Variants in AASDHPPT observed in about 807,000 individuals in gnomAD.
The protein encoded by AASDHPPT is aminoadipate-semialdehyde dehydrogenase-phosphopantetheinyl transferase, also known as L-aminoadipate-semialdehyde dehydrogenase-phosphopantetheinyl transferase.
In AASDHPPT, 23 loss-of-function variants were observed where a neutral mutation model predicts 36.4. That is an observed-to-expected ratio of 0.63 (90% CI 0.45 to 0.89). AASDHPPT has a LOEUF of 0.89. Ranked by LOEUF, AASDHPPT falls within the 40% of genes least tolerant of loss-of-function variation. The probability of loss-of-function intolerance (pLI) is 0.00; values close to 1 mark genes in which losing one functional copy is unlikely to be tolerated. For missense variants in AASDHPPT, 377 were observed against 378.2 expected, an observed-to-expected ratio of 1.00 and a Z score of 0.03; for synonymous variants, 115 against 128.0, an observed-to-expected ratio of 0.90 and a Z score of 0.68.
intron 2 of AASDHPPT, among the ~76,000 whole-genome samples, chr11:106,089,135 A>G (rs1166147867): frequency 6.6e-6 from 1 of 152,090 alleles, no homozygotes; most frequent in East Asian, 1.9e-4. Flanking sequence ...GTGAGTGATC[A>G]TAATGGAATT....
chr11:106,081,333 A>T (rs527322700), intron 2 of AASDHPPT, among the ~76,000 whole-genome samples: 2 of 152,362 alleles, frequency 1.3e-5, no homozygotes, highest in East Asian at 1.9e-4. Flanking sequence ...TGGAAACCTT[A>T]TAACAGATTG....
rs530414716 is a variant in AASDHPPT at position 106,084,283 on chromosome 11, AT to A, written c.409+4594del. On this transcript the variant is annotated intron_variant, in intron 2 of 5. Coordinates refer to ENST00000278618, the MANE Select transcript of AASDHPPT (RefSeq NM_015423.3). ...AAATTGAAAATACACATAGTCTTTGATTTAGCGATCTTGTTTATAGTACTCT... is the reference window on the plus strand; with the variant it reads ...AAATTGAAAATACACATAGTCTTTGATTAGCGATCTTGTTTATAGTACTCT... Among the ~76,000 whole-genome samples, 171 of 152,326 alleles carry A rather than the reference AT, an allele frequency of 1.1e-3. 2 individuals are homozygous for A. Among genetic ancestry groups the A allele is most frequent in the African/African-American group, 3.9e-3 (161 of 41,578 alleles).
chr11:106,093,369 A>G (rs1861275958), intron 4 of AASDHPPT: 1 of 152,164 alleles, frequency 6.6e-6, no homozygotes, highest in Admixed American at 6.6e-5. Flanking sequence ...TATATGCTAA[A>G]TTTCTGAAAA....
At chr11:106,091,222 A>G in intron 3 of AASDHPPT, 94 bp from the exon 4 acceptor site, 2 of 1,061,760 alleles carry the variant, frequency 1.9e-6, no homozygotes, top group South Asian at 3.2e-5. Flanking sequence ...ATAATGTAGT[A>G]TAGCATTGAA....
chr11:106,079,953 AT>A lies in AASDHPPT; in HGVS notation c.409+269del, dbSNP rs895524030. Among the ~76,000 whole-genome samples the A allele has an allele frequency of 2.0e-5, 3 of 152,202 alleles. No homozygotes were observed. In the South Asian group the frequency reaches 6.2e-4, roughly 32 times the overall value. ...GAGGTAAAGTGAAATATTAAGTGAA[AT>A]TTTTTTTGAATTATACTTCAATTTA... On this transcript the variant is annotated intron_variant, in intron 2 of 5. Transcript: ENST00000278618.
rs1211398136 is a variant in AASDHPPT at position 106,097,116 on chromosome 11, A to G, written c.*209A>G. The G allele has an allele frequency of 3.1e-5, 14 of 448,372 alleles. No homozygotes were observed. The highest frequency in any genetic ancestry group is 5.0e-5 in the Non-Finnish European group (13 of 261,270). 27.8% of individuals were successfully genotyped at this position (448,372 alleles called of 1,614,324 possible). A position where few individuals can be genotyped will look rare whatever the true frequency, so the allele number is the denominator to read the frequency against. On this transcript the variant is annotated 3_prime_UTR_variant, in exon 6 of 6. Transcript: ENST00000278618. ...CCTCTTTCTTTCCTAAATTGCATTGAATTGATAGGAAGGATGGCGGAATCT... is the reference window on the plus strand; with the variant it reads ...CCTCTTTCTTTCCTAAATTGCATTGGATTGATAGGAAGGATGGCGGAATCT...
At position 106,079,486 on chromosome 11, in the gene AASDHPPT, G is replaced by A; in HGVS notation, c.203G>A (p.Arg68Lys). 6.2e-7 allele frequency: 1 copy of A among 1,611,052 alleles called. No homozygotes were observed. Among genetic ancestry groups the A allele is most frequent in the Non-Finnish European group, 8.5e-7 (1 of 1,178,246 alleles). Residue 68 changes from arginine to lysine, a missense_variant, in exon 2 of 6, where the codon AGG becomes AAG. Arg to Lys is a conservative substitution (Grantham distance 26). Coordinates refer to ENST00000278618, the MANE Select transcript of AASDHPPT (RefSeq NM_015423.3). Reference protein sequence around the residue: ...KAAMAGRLMIRKLVAEKLNIP... With the variant: ...KAAMAGRLMIKKLVAEKLNIP... Reference sequence around the variant, plus strand: ...TAACAGGCTGGTCGTCTGATGATAAGGAAATTAGTTGCAGAGAAATTGAAT... The same window carrying A: ...TAACAGGCTGGTCGTCTGATGATAAAGAAATTAGTTGCAGAGAAATTGAAT...
At position 106,077,737 on chromosome 11, in the gene AASDHPPT, C is replaced by A. The variant is rs1198632927; in HGVS notation, c.27C>A (p.Cys9Ter). ...TGGTTTTCCCTGCCAAACGGTTCTG[C>A]TTGGTGCCATCCATGGAGGGCGTGC... The part of the protein sequence containing the change: MVFPAKRF[C>*]LVPSMEGVRW... Residue 9 changes from cysteine to a stop codon, truncating the protein, a stop_gained, in exon 1 of 6, where the codon TGC (cysteine) becomes TGA (stop). Coordinates refer to ENST00000278618, the MANE Select transcript of AASDHPPT (RefSeq NM_015423.3). LOFTEE classifies it high-confidence loss of function. 1.2e-6 allele frequency: 2 copies of A among 1,613,992 alleles called. No individual in the cohort carries two copies. The highest frequency in any genetic ancestry group is 1.7e-6 in the Non-Finnish European group (2 of 1,179,996).
intron 4 of AASDHPPT, chr11:106,091,792 T>C (rs1285635212): frequency 1.0e-5 from 2 of 200,278 alleles, no homozygotes; most frequent in Non-Finnish European, 2.0e-5. Context: ...AGATTCCAGA[T>C]CAGGCTGGTA....
intron 2 of AASDHPPT, among the ~76,000 whole-genome samples, chr11:106,086,526 A>G (rs1463235607): frequency 6.6e-6 from 1 of 152,214 alleles, no homozygotes; most frequent in African/African-American, 2.4e-5. Context: ...CCTTCAACCC[A>G]GTAGAGTCCA....
Position 106,096,885 on chromosome 11 carries a change from T to A in AASDHPPT, c.908T>A (p.Ile303Lys), listed in dbSNP as rs1236197156. 6.2e-7 allele frequency: 1 copy of A among 1,609,482 alleles called. No homozygotes were observed. The highest frequency in any genetic ancestry group is 8.5e-7 in the Non-Finnish European group (1 of 1,178,326). The change falls in exon 6 of 6, where the codon ATA (isoleucine) becomes AAA (lysine). Residue 303 changes from isoleucine (I) to lysine (K), a missense_variant. Ile to Lys is a moderately radical substitution (Grantham distance 102, BLOSUM62 -3). Transcript: ENST00000278618. ...DCFCFTEEIP[I>K]RNGTKS ...TTTTGCTTCACAGAAGAAATTCCAA[T>A]ACGAAATGGTACAAAGTCATGATGA...
chr11:106,088,189 T>C (rs930386165), intron 2 of AASDHPPT, among the ~76,000 whole-genome samples: 1 of 152,188 alleles, frequency 6.6e-6, no homozygotes, highest in Non-Finnish European at 1.5e-5. Flanking sequence ...TGTGATTGCT[T>C]TCTAGTGATT....
Position 106,094,596 on chromosome 11 carries a change from A to C in AASDHPPT, c.707A>C (p.Asp236Ala). Residue 236 changes from aspartate (D) to alanine (A), a missense_variant, in exon 5 of 6, where the codon GAT becomes GCT. By Grantham distance (126) the Asp-to-Ala change is moderately radical. Coordinates refer to ENST00000278618, the MANE Select transcript of AASDHPPT (RefSeq NM_015423.3). ...TTTATCTTTCAGGAAAGCAAAATAG[A>C]TGAGCACCATTTTGTTGCAGTTGCT... The part of the protein sequence containing the change: ...KEWAFEESKI[D>A]EHHFVAVALR... 1 of 1,607,432 alleles carries C rather than the reference A, an allele frequency of 6.2e-7. No individual in the cohort carries two copies. The highest frequency in any genetic ancestry group is 8.5e-7 in the Non-Finnish European group (1 of 1,176,906).
chr11:106,094,972 A>C (rs1160054957), intron 5 of AASDHPPT, among the ~76,000 whole-genome samples: 2 of 152,080 alleles, frequency 1.3e-5, no homozygotes, highest in African/African-American at 4.8e-5. Context: ...CTAAAAATAC[A>C]AAATTAGCCA....
At chr11:106,089,742 G>C (rs544307078) in intron 2 of AASDHPPT, among the ~76,000 whole-genome samples, 2 of 151,990 alleles carry the variant, frequency 1.3e-5, no homozygotes, top group South Asian at 4.1e-4. Context: ...CAGTACCAGA[G>C]GCCTACCATG....
At chr11:106,084,796 G>A (rs1312896912) in intron 2 of AASDHPPT, among the ~76,000 whole-genome samples, 2 of 151,728 alleles carry the variant, frequency 1.3e-5, no homozygotes, top group East Asian at 3.9e-4. Flanking sequence ...GGTATTTTTA[G>A]TAGAGACGGA....
intron 2 of AASDHPPT, among the ~76,000 whole-genome samples, chr11:106,081,076 T>G (rs973456698): frequency 6.6e-6 from 1 of 152,224 alleles, no homozygotes; most frequent in Non-Finnish European, 1.5e-5. Flanking sequence ...CATCAGAGTT[T>G]GATCACTATC....
intron 4 of AASDHPPT, chr11:106,092,946 T>G (rs889057992): frequency 6.6e-6 from 1 of 152,194 alleles, no homozygotes; most frequent in Non-Finnish European, 1.5e-5. Context: ...ATTTTCCATG[T>G]AACCATATTT....
Position 106,077,672 on chromosome 11 carries a change from C to A in AASDHPPT, c.-39C>A. The stretch of plus-strand genomic sequence containing the variant: ...GGTGGGGCCACGTTTGCGTCCGCGC[C>A]ATCAGGCCCGAGATAGCGGCGAGGT... On this transcript the variant is annotated 5_prime_UTR_variant, in exon 1 of 6. Transcript: ENST00000278618. 1 of 1,594,752 alleles carries A rather than the reference C, an allele frequency of 6.3e-7. No individual in the cohort carries two copies. The highest frequency in any genetic ancestry group is 1.1e-5 in the South Asian group (1 of 89,908).
Sources: allele counts gnomAD v4.1 joint callset (sites outside exome capture counted in the v4.1 genomes callset), GRCh38; gene constraint gnomAD v4.1.1; transcripts MANE v1.5; gene names NCBI Gene and HGNC (gene_info 2026-07-23, HGNC 2026-07-21).